DNAAF5: variants seen among roughly 807,000 people sequenced by gnomAD.
DNAAF5 encodes the protein HEAT repeat containing 2.
In DNAAF5, 64 loss-of-function variants were observed where a neutral mutation model predicts 75.8. The observed-to-expected ratio is 0.84, with a 90% CI of 0.69 to 1.04. The LOEUF (loss-of-function observed/expected upper bound fraction) is 1.04, where lower values mean the gene tolerates loss of function less well. DNAAF5 is among the 50% of genes least tolerant of loss of function. The pLI is 0.00. For missense variants in DNAAF5, 1,269 were observed against 1,178.5 expected (o/e 1.08, Z -1.12); for synonymous variants, 657 against 557.2 (o/e 1.18, Z -2.52).
Position 754,895 on chromosome 7 carries a change from G to T in DNAAF5, c.1257+74G>T. 8.5e-7 allele frequency: 1 copy of T among 1,175,362 alleles called. No individual in the cohort carries two copies. 72.8% of individuals were successfully genotyped at this position (1,175,362 alleles called of 1,614,324 possible). On this transcript the variant is annotated intron_variant, in intron 5 of 12. Transcript: ENST00000297440. The surrounding 1 kb of genome is among the most constrained non-coding windows in gnomAD (Gnocchi z 4.8). ...AAGATCCCGCCTCTGTGGTGTGCGG[G>T]GCCCGAGGCTGTACTGTAGCCAAGA...
In DNAAF5 at chr7:740,860, G is replaced by C. The variant is rs142939429; in HGVS notation, c.822G>C (p.Leu274=). ...CCTCCGTGGTGGGCGGCTGGCTGCT[G>C]TGTCTGCGTGACCGTTACTCCTTCT... ...AVASVVGGWL[L]CLRDRYSFFH... The change falls in exon 3 of 13, where the codon CTG becomes CTC. Residue 274 remains leucine, a synonymous_variant. Coordinates refer to ENST00000297440, the MANE Select transcript of DNAAF5 (RefSeq NM_017802.4). 174 of 1,614,090 alleles carry C rather than the reference G, an allele frequency of 1.1e-4. No homozygotes were observed. The highest frequency in any genetic ancestry group is 1.3e-4 in the Admixed American group (8 of 60,032).
rs761815215 is a variant in DNAAF5, at chr7:740,921, A to G, written c.883A>G (p.Asn295Asp). ...KLIPLLLSSL[N>D]DEVPEVRQLA... The stretch of plus-strand genomic sequence containing the variant: ...CATCCCTCTGCTGCTCAGTAGCCTC[A>G]ACGACGAGGTGCCTGAGGTCAGGTA... The change falls in exon 3 of 13, where the codon AAC becomes GAC. Residue 295 changes from asparagine to aspartate, a missense_variant. Transcript: ENST00000297440. 1 of 1,613,616 alleles carries G rather than the reference A, an allele frequency of 6.2e-7. No individual in the cohort carries two copies. Among genetic ancestry groups the G allele is most frequent in the South Asian group, 1.1e-5 (1 of 91,082 alleles).
At position 781,399 on chromosome 7, in the gene DNAAF5, C is replaced by A. The variant is rs116298374; in HGVS notation, c.2431+1255C>A. 3.0e-3 allele frequency among the ~76,000 whole-genome samples: 455 copies of A among 152,342 alleles called. 5 individuals are homozygous for A. The highest frequency in any genetic ancestry group is 0.011 in the African/African-American group (438 of 41,576). On this transcript the variant is annotated intron_variant, in intron 12 of 12. Transcript: ENST00000297440. ...ATAATATTCCACTGCGTGCGCTCCA[C>A]GTTTTCCTTCTCCCTTCATCTGTCC...
At chr7:729,904 G>C (rs561026417) in intron 2 of DNAAF5, 57 bp downstream of exon 2, 9 of 1,556,976 alleles carry the variant, frequency 5.8e-6, no homozygotes, top group South Asian at 4.6e-5. Context: ...GCGGGCTGAC[G>C]TGCTGTTTTT....
At chr7:739,905 T>TACG (rs1264251683) in intron 2 of DNAAF5, among the ~76,000 whole-genome samples, 10 of 152,176 alleles carry the variant, frequency 6.6e-5, no homozygotes, top group African/African-American at 2.4e-4. Flanking sequence ...CCCCTGCACC[T>TACG]ACGACTGGCT....
chr7:782,834 C>A lies in DNAAF5; in HGVS notation c.2432-2683C>A, dbSNP rs142620184. Among the ~76,000 whole-genome samples, 713 of 148,058 alleles carry A rather than the reference C, an allele frequency of 4.8e-3. 5 individuals are homozygous for A. Among genetic ancestry groups the A allele is most frequent in the African/African-American group, 0.017 (676 of 40,176 alleles). ...CTTCCTGCCATGGCCACCTCCCATC[C>A]GGCGGCATCAGAAACTCGGACCTTC... On this transcript the variant is annotated intron_variant, in intron 12 of 12. Coordinates refer to ENST00000297440, the MANE Select transcript of DNAAF5 (RefSeq NM_017802.4).
chr7:753,662 C>T lies in DNAAF5; in HGVS notation c.1025-927C>T, dbSNP rs556647519. 6.0e-4 allele frequency among the ~76,000 whole-genome samples: 91 copies of T among 150,710 alleles called. 2 individuals are homozygous for T. The highest frequency in any genetic ancestry group is 2.1e-3 in the African/African-American group (87 of 40,864). On this transcript the variant is annotated intron_variant, in intron 4 of 12. Transcript: ENST00000297440. ...CTCTGTCATCATATGGCGATGGCTT[C>T]GCAGGCTTGTCTCTCTGATCATATG...
At position 773,980 on chromosome 7, in the gene DNAAF5, C is replaced by G. The variant is rs1031464190; in HGVS notation, c.1932-68C>G. On this transcript the variant is annotated intron_variant, in intron 9 of 12. Coordinates refer to ENST00000297440, the MANE Select transcript of DNAAF5 (RefSeq NM_017802.4). ...GCTCCCCCCTCAGCCCCATTCATCC[C>G]TAGTCTGAAACGTTTCTTCCGAGCA... The G allele has an allele frequency of 1.9e-6, 3 of 1,582,024 alleles. No individual in the cohort carries two copies. The Admixed American group carries it at 5.0e-5, about 26-fold the overall frequency.
At chr7:729,980 C>T (rs1431185356) in intron 2 of DNAAF5, 133 bp downstream of exon 2, 1 of 832,710 alleles carries the variant, frequency 1.2e-6, no homozygotes, top group African/African-American at 1.7e-5. Context: ...TATTCCTAGT[C>T]ACAGGACGTT....
At chr7:743,610 C>G (rs1339668447) in intron 4 of DNAAF5, among the ~76,000 whole-genome samples, 1 of 149,542 alleles carries the variant, frequency 6.7e-6, no homozygotes, top group Admixed American at 6.7e-5. Context: ...AAGGTTTGTT[C>G]TGATGGAGTG....
intron 12 of DNAAF5, among the ~76,000 whole-genome samples, chr7:782,194 A>C (rs1268822326): frequency 2.0e-5 from 3 of 150,692 alleles, no homozygotes; most frequent in Non-Finnish European, 3.0e-5. Context: ...CGGCGTCAGA[A>C]ACTCGGATCT....
chr7:741,936 C>T (rs1019353087), intron 4 of DNAAF5, among the ~76,000 whole-genome samples: 1 of 152,208 alleles, frequency 6.6e-6, no homozygotes, highest in African/African-American at 2.4e-5. Context: ...CATGGTTCCA[C>T]ATGATTTCCA....
At position 754,235 on chromosome 7, in the gene DNAAF5, C is replaced by T. The variant is rs2128078148; in HGVS notation, c.1025-354C>T. The stretch of plus-strand genomic sequence containing the variant: ...GCTGGAGTGCTGTGGCGCAATCCTC[C>T]CACCTCAGACTCCTGCGTAGCTGGG... On this transcript the variant is annotated intron_variant, in intron 4 of 12. Transcript: ENST00000297440. This position sits in a 1 kb window ranked among gnomAD's most constrained non-coding sequence, Gnocchi z 4.8. 6.6e-6 allele frequency among the ~76,000 whole-genome samples: 1 copy of T among 152,310 alleles called. No individual in the cohort carries two copies. Among genetic ancestry groups the T allele is most frequent in the South Asian group, 2.1e-4 (1 of 4,822 alleles).
intron 8 of DNAAF5, 36 bp downstream of exon 8, chr7:764,010 C>T (rs1583505259): frequency 6.3e-7 from 1 of 1,595,040 alleles, no homozygotes; most frequent in South Asian, 1.1e-5. Flanking sequence ...CCGTGCCTGG[C>T]CCCACTCAGG....
At chr7:773,165 A>G (rs1778629823) in intron 9 of DNAAF5, among the ~76,000 whole-genome samples, 1 of 152,180 alleles carries the variant, frequency 6.6e-6, no homozygotes, top group Non-Finnish European at 1.5e-5. Context: ...AGCTCTGCTT[A>G]AAAACGAACC....
rs1026538684 is a variant in DNAAF5, at chr7:769,286, C to G, written c.1784-1185C>G. ...GCCAGAGCGCCTCCTTCTGCGGCCC[C>G]AACCCAGTCCCCACCCTGAGCCTTC... On this transcript the variant is annotated intron_variant, in intron 8 of 12. Coordinates refer to ENST00000297440, the MANE Select transcript of DNAAF5 (RefSeq NM_017802.4). 3.7e-5 allele frequency: 26 copies of G among 696,932 alleles called. No individual in the cohort carries two copies. In the African/African-American group the frequency reaches 4.2e-4, roughly 11 times the overall value. The allele number at this position is 696,932 out of a possible 1,614,324, so 43.2% of individuals were successfully genotyped here.
chr7:759,872 C>T lies in DNAAF5; in HGVS notation c.1471-1881C>T, dbSNP rs74963417. ...TTTTGATTTTAACCGAAAAGATGAT[C>T]GCTCCTGAAATGTACATGACAGGTC... On this transcript the variant is annotated intron_variant, in intron 6 of 12. Coordinates refer to ENST00000297440, the MANE Select transcript of DNAAF5 (RefSeq NM_017802.4). Among the ~76,000 whole-genome samples the T allele has an allele frequency of 1.5e-4, 23 of 152,228 alleles. No individual in the cohort carries two copies. In the East Asian group the frequency reaches 3.3e-3, roughly 22 times the overall value.
chr7:781,695 G>C (rs993188637), intron 12 of DNAAF5, among the ~76,000 whole-genome samples: 2 of 152,148 alleles, frequency 1.3e-5, no homozygotes, highest in Admixed American at 1.3e-4. Flanking sequence ...TTTTAACTGG[G>C]GTCAGAGGAT....
At chr7:772,393 C>A (rs1778596593) in intron 9 of DNAAF5, 1 of 152,272 alleles carries the variant, frequency 6.6e-6, no homozygotes, top group South Asian at 2.1e-4. Flanking sequence ...CCCTGGAGCA[C>A]TTTGCATTCT....
Sources: allele counts gnomAD v4.1 joint callset (sites outside exome capture counted in the v4.1 genomes callset), GRCh38; gene constraint gnomAD v4.1.1; non-coding constraint Gnocchi (gnomAD v3.1); transcripts MANE v1.5; gene names NCBI Gene and HGNC (gene_info 2026-07-23, HGNC 2026-07-21).